Variants in CDH18 observed in about 807,000 individuals in gnomAD.
The protein encoded by CDH18 is cadherin 18, also known as cadherin-18.
In CDH18, 31 loss-of-function variants were observed where a neutral mutation model predicts 67.9. The observed-to-expected ratio is 0.46, with a 90% CI of 0.34 to 0.62. The LOEUF (loss-of-function observed/expected upper bound fraction) is 0.62. Ranked by LOEUF, CDH18 falls within the 20% of genes least tolerant of loss-of-function variation. CDH18 has a pLI of 0.01. For missense variants in CDH18, 890 were observed against 975.5 expected, an observed-to-expected ratio of 0.91 and a Z score of 1.17; for synonymous variants, 362 against 347.2, an observed-to-expected ratio of 1.04 and a Z score of -0.48.
chr5:20,461,871 G>A (rs922566258), intron 1 of CDH18, among the ~76,000 whole-genome samples: 1 of 152,096 alleles, frequency 6.6e-6, no homozygotes, highest in African/African-American at 2.4e-5. Context: ...TTGCCCAAGA[G>A]TAGGTACAAT....
chr5:19,641,941 C>T (rs1258724542), intron 5 of CDH18, among the ~76,000 whole-genome samples: 6 of 151,642 alleles, frequency 4.0e-5, no homozygotes, highest in Admixed American at 1.3e-4. Flanking sequence ...TGTAGAGGTA[C>T]TAAACAACAA....
intron 1 of CDH18, among the ~76,000 whole-genome samples, chr5:20,491,971 AATAAT>A (rs1753612649): frequency 1.3e-5 from 2 of 152,192 alleles, no homozygotes; most frequent in South Asian, 4.1e-4. Context: ...TTTTACTTTT[AATAAT>A]ATGTTTTATT....
intron 11 of CDH18, among the ~76,000 whole-genome samples, chr5:19,495,257 T>G (rs1245574879): frequency 6.6e-6 from 1 of 152,134 alleles, no homozygotes; most frequent in African/African-American, 2.4e-5. Context: ...CAGGCAGCAA[T>G]CATCTTCATG....
At chr5:19,914,696 T>C (rs1255785221) in intron 2 of CDH18, among the ~76,000 whole-genome samples, 1 of 152,122 alleles carries the variant, frequency 6.6e-6, no homozygotes, top group Non-Finnish European at 1.5e-5. Flanking sequence ...ATAATCAATT[T>C]GAATTTTATG....
At chr5:20,331,513 G>C (rs1420738746) in intron 1 of CDH18, 1 of 152,100 alleles carries the variant, frequency 6.6e-6, no homozygotes, top group African/African-American at 2.4e-5. Flanking sequence ...TTTTTTGAAA[G>C]TCCTATTGTA....
intron 2 of CDH18, among the ~76,000 whole-genome samples, chr5:20,097,045 TTATA>T (rs1746049288): frequency 6.6e-6 from 1 of 152,162 alleles, no homozygotes; most frequent in Non-Finnish European, 1.5e-5. Flanking sequence ...TTTTAAATAT[TTATA>T]TATGTCTACC....
At chr5:20,286,730 A>G (rs1294494948) in intron 1 of CDH18, among the ~76,000 whole-genome samples, 3 of 151,648 alleles carry the variant, frequency 2.0e-5, no homozygotes, top group Non-Finnish European at 4.4e-5. Context: ...CAGCAAACTT[A>G]TAAAGTATTT....
At chr5:20,237,114 A>C (rs559123909) in intron 2 of CDH18, among the ~76,000 whole-genome samples, 2 of 152,144 alleles carry the variant, frequency 1.3e-5, no homozygotes, top group South Asian at 4.1e-4. Context: ...GCTTTAATAA[A>C]ACCCACTATA....
chr5:20,305,788 C>CA (rs1382155328), intron 1 of CDH18: 1 of 255,680 alleles, frequency 3.9e-6, no homozygotes. Flanking sequence ...AATCTACCCC[C>CA]AAAACCAATT....
chr5:20,321,552 A>T (rs1025927969), intron 1 of CDH18, among the ~76,000 whole-genome samples: 4 of 151,952 alleles, frequency 2.6e-5, no homozygotes, highest in African/African-American at 9.7e-5. Context: ...ATTCTTGTAT[A>T]AAAAAAGTGC....
chr5:19,813,903 T>G (rs763645546), intron 3 of CDH18, among the ~76,000 whole-genome samples: 2 of 152,034 alleles, frequency 1.3e-5, no homozygotes, highest in Non-Finnish European at 1.5e-5. Context: ...TTTGGAAGCT[T>G]TCACTTACAT....
intron 5 of CDH18, among the ~76,000 whole-genome samples, chr5:19,686,746 A>G (rs1228971150): frequency 6.6e-6 from 1 of 152,148 alleles, no homozygotes; most frequent in Admixed American, 6.6e-5. Flanking sequence ...TCATTAAATC[A>G]CTACTTTTCA....
intron 1 of CDH18, among the ~76,000 whole-genome samples, chr5:20,569,072 T>C (rs1037819581): frequency 1.3e-5 from 2 of 152,224 alleles, no homozygotes; most frequent in African/African-American, 4.8e-5. Context: ...CCTATTATAC[T>C]ATAACTGCAT....
At chr5:19,642,253 C>A (rs1393548157) in intron 5 of CDH18, among the ~76,000 whole-genome samples, 1 of 151,820 alleles carries the variant, frequency 6.6e-6, no homozygotes, top group Non-Finnish European at 1.5e-5. Flanking sequence ...TCCATGCAAC[C>A]CAAAGTGGTC....
At chr5:20,536,434 T>C (rs1013816027) in intron 1 of CDH18, among the ~76,000 whole-genome samples, 2 of 152,154 alleles carry the variant, frequency 1.3e-5, no homozygotes, top group Non-Finnish European at 2.9e-5. Context: ...GCCATTACTG[T>C]TTGAAGTAAA....
chr5:19,570,191 G>A (rs1394651180), intron 8 of CDH18, among the ~76,000 whole-genome samples: 1 of 152,048 alleles, frequency 6.6e-6, no homozygotes. Flanking sequence ...TCTATGGAAT[G>A]TTGAAGCAAA....
At chr5:20,174,888 T>G (rs1737112082) in intron 2 of CDH18, among the ~76,000 whole-genome samples, 1 of 152,172 alleles carries the variant, frequency 6.6e-6, no homozygotes, top group African/African-American at 2.4e-5. Flanking sequence ...TATATAATGT[T>G]GACTTTTTTT....
intron 2 of CDH18, among the ~76,000 whole-genome samples, chr5:20,040,347 A>C (rs1740311118): frequency 6.6e-6 from 1 of 152,110 alleles, no homozygotes; most frequent in Non-Finnish European, 1.5e-5. Context: ...TTGAAATGAA[A>C]TCATGGAAGA....
intron 8 of CDH18, among the ~76,000 whole-genome samples, chr5:19,557,065 C>A (rs906753987): frequency 6.6e-6 from 1 of 152,036 alleles, no homozygotes; most frequent in African/African-American, 2.4e-5. Flanking sequence ...AAAATACAGT[C>A]TTTTTCAGAC....
Sources: gnomAD v4.1 joint callset for allele counts (sites outside exome capture counted in the v4.1 genomes callset) on GRCh38, gnomAD v4.1.1 for gene constraint, MANE v1.5 for transcripts, NCBI Gene and HGNC (gene_info 2026-07-23, HGNC 2026-07-21) for gene names.